SEC13: variants seen among roughly 807,000 people sequenced by gnomAD.
SEC13 encodes SEC13 homolog, nuclear pore and COPII component, also known as protein SEC13 homolog.
SEC13 carries 25 observed loss-of-function variants against 49.2 expected under a neutral mutation model. The ratio of observed to expected loss-of-function variants is 0.51; its 90% CI spans 0.37 to 0.71. The LOEUF is 0.71. Ranked by LOEUF, SEC13 falls within the 30% of genes least tolerant of loss-of-function variation. SEC13 has a pLI of 0.00. For synonymous variants in SEC13, 148 were observed against 163.9 expected, an observed-to-expected ratio of 0.90 and a Z score of 0.74; for missense variants, 383 against 417.6, an observed-to-expected ratio of 0.92 and a Z score of 0.72.
At chr3:10,320,830 G>A (rs1159853865) in intron 1 of SEC13, 3 of 1,323,058 alleles carry the variant, frequency 2.3e-6, no homozygotes, top group Non-Finnish European at 2.9e-6. Flanking sequence ...AGACGCAGGA[G>A]CGGCGCGCCC....
intron 5 of SEC13, among the ~76,000 whole-genome samples, chr3:10,310,145 AG>A (rs1701161342): frequency 6.6e-6 from 1 of 152,066 alleles, no homozygotes; most frequent in Non-Finnish European, 1.5e-5. Context: ...ATTTCTCCAA[AG>A]GCCCCCAGAA....
chr3:10,320,909 C>T, intron 1 of SEC13, 141 bp downstream of exon 1: 6 of 1,479,942 alleles, frequency 4.1e-6, no homozygotes, highest in Non-Finnish European at 5.4e-6. Flanking sequence ...AGGACGGGGC[C>T]AGAGCCCCCC....
At chr3:10,310,453 T>C (rs1452567725) in intron 5 of SEC13, among the ~76,000 whole-genome samples, 2 of 152,166 alleles carry the variant, frequency 1.3e-5, no homozygotes, top group Non-Finnish European at 2.9e-5. Context: ...ATCATGTCAC[T>C]GCACTCCAGC....
intron 1 of SEC13, chr3:10,319,387 G>A: frequency 8.3e-7 from 1 of 1,203,720 alleles, no homozygotes; most frequent in Non-Finnish European, 1.1e-6. Flanking sequence ...AAAGTGCACA[G>A]GAAGGCGGGG....
In SEC13 at chr3:10,312,615, C is replaced by T; in HGVS notation, c.280G>A (p.Glu94Lys). The change falls in exon 4 of 9, where the codon GAG (glutamate) becomes AAG (lysine). Residue 94 changes from glutamate to lysine, a missense_variant. Glu to Lys is a moderately conservative substitution (Grantham distance 56). Coordinates refer to ENST00000350697, the MANE Select transcript of SEC13 (RefSeq NM_183352.3). ...IIWREENGTW[E>K]KSHEHAGHDS... Reference sequence around the variant, plus strand: ...TGTCCCGCATGCTCGTGGCTCTTCTCCCAGGTGCCGTTTTCCTCTCTCCAG... The same window carrying T: ...TGTCCCGCATGCTCGTGGCTCTTCTTCCAGGTGCCGTTTTCCTCTCTCCAG... The T allele has an allele frequency of 6.2e-7, 1 of 1,614,168 alleles. No individual in the cohort carries two copies.
At chr3:10,317,735 G>C (rs973039416) in intron 2 of SEC13, among the ~76,000 whole-genome samples, 2 of 152,152 alleles carry the variant, frequency 1.3e-5, no homozygotes, top group Non-Finnish European at 2.9e-5. Flanking sequence ...CTATTGTCAA[G>C]CCTCCGTACC....
rs1397382532 is a variant in SEC13, at chr3:10,320,964, A to C, written c.3+86T>G. The C allele has an allele frequency of 1.9e-6, 3 of 1,588,576 alleles. No individual in the cohort carries two copies. The East Asian group carries it at 7.0e-5, about 37-fold the overall frequency. Reference sequence around the variant, plus strand: ...GGGAGCTGAACGGCTCCAGCTTGGGATTTGGGACTCAGGACGGCCGAGGAA... The same window carrying C: ...GGGAGCTGAACGGCTCCAGCTTGGGCTTTGGGACTCAGGACGGCCGAGGAA... On this transcript the variant is annotated intron_variant, in intron 1 of 8. Coordinates refer to ENST00000350697, the MANE Select transcript of SEC13 (RefSeq NM_183352.3).
intron 8 of SEC13, 136 bp downstream of exon 8, chr3:10,303,890 G>A: frequency 1.2e-6 from 1 of 831,216 alleles, no homozygotes; most frequent in Non-Finnish European, 2.0e-6. Flanking sequence ...GTAACTAAGA[G>A]GCACACTCAA....
intron 2 of SEC13, among the ~76,000 whole-genome samples, chr3:10,317,254 C>T (rs990210824): frequency 2.0e-5 from 3 of 152,260 alleles, no homozygotes; most frequent in African/African-American, 7.2e-5. Context: ...TGTGGTCTTA[C>T]AGCTAGACCA....
rs1420037313 is a variant in SEC13 at position 10,305,152 on chromosome 3, C to T, written c.589G>A (p.Glu197Lys). 1 of 1,611,210 alleles carries T rather than the reference C, an allele frequency of 6.2e-7. No individual in the cohort carries two copies. The highest frequency in any genetic ancestry group is 2.2e-5 in the East Asian group (1 of 44,876). ...TCCTCCTTCCACTGGCCGTCCTCCT[C>T]CTCCCTAACAGTGGGGACAGAAAGA... The part of the protein sequence containing the change: ...CDNLIKLWKE[E>K]EDGQWKEEQK... The change falls in exon 7 of 9, where the codon GAG (glutamate) becomes AAG (lysine). Residue 197 changes from glutamate to lysine, a missense_variant. Transcript: ENST00000350697.
Position 10,301,258 on chromosome 3 carries a change from T to C in SEC13, c.*3A>G. 2.5e-6 allele frequency: 4 copies of C among 1,614,174 alleles called. No individual in the cohort carries two copies. Among genetic ancestry groups the C allele is most frequent in the Non-Finnish European group, 3.4e-6 (4 of 1,180,028 alleles). Reference sequence around the variant, plus strand: ...GGTGGGGAGCCAGGCCCCACCTGTCTTGTCACTGCTCGTTCTGCTGGCCCT... The same window carrying C: ...GGTGGGGAGCCAGGCCCCACCTGTCCTGTCACTGCTCGTTCTGCTGGCCCT... On this transcript the variant is annotated 3_prime_UTR_variant, in exon 9 of 9. Transcript: ENST00000350697.
chr3:10,321,031 C>A lies in SEC13; in HGVS notation c.3+19G>T. 1 of 1,612,226 alleles carries A rather than the reference C, an allele frequency of 6.2e-7. No homozygotes were observed. The highest frequency in any genetic ancestry group is 2.2e-5 in the East Asian group (1 of 44,676). On this transcript the variant is annotated intron_variant, in intron 1 of 8. Transcript: ENST00000350697. The surrounding 1 kb of genome is among the most constrained non-coding windows in gnomAD (Gnocchi z 4.1). ...CCGTGGCCTTCACCCTGCTAGGCCTCCTCAGTACCAACACTCACCATGATT... is the reference window on the plus strand; with the variant it reads ...CCGTGGCCTTCACCCTGCTAGGCCTACTCAGTACCAACACTCACCATGATT...
chr3:10,306,947 TA>T (rs1274546028), intron 5 of SEC13, among the ~76,000 whole-genome samples: 1 of 152,222 alleles, frequency 6.6e-6, no homozygotes, highest in East Asian at 1.9e-4. Context: ...GAAAACAGAC[TA>T]ATACAAGGTC....
intron 1 of SEC13, among the ~76,000 whole-genome samples, chr3:10,320,108 T>A (rs2059750431): frequency 6.6e-6 from 1 of 151,928 alleles, no homozygotes; most frequent in African/African-American, 2.4e-5. Flanking sequence ...ATTCACCTCT[T>A]TGAGATCAGA....
rs1700499102 is a variant in SEC13 at position 10,301,387 on chromosome 3, G to A, written c.856-13C>T. ...TCCACAGGGTCACCTGCGAGTCAGT[G>A]CACAAGCAGATTATCACGGGTCTGT... On this transcript the variant is annotated splice_polypyrimidine_tract_variant and intron_variant, in intron 8 of 8. Coordinates refer to ENST00000350697, the MANE Select transcript of SEC13 (RefSeq NM_183352.3). 2 of 1,614,000 alleles carry A rather than the reference G, an allele frequency of 1.2e-6. No homozygotes were observed. Among genetic ancestry groups the A allele is most frequent in the Non-Finnish European group, 1.7e-6 (2 of 1,180,036 alleles).
At chr3:10,313,852 C>T (rs1302668514) in intron 3 of SEC13, 1 of 155,160 alleles carries the variant, frequency 6.4e-6, no homozygotes, top group African/African-American at 2.4e-5. Flanking sequence ...GGGGCTCCTG[C>T]ATAGAGAAGC....
chr3:10,302,950 G>T (rs555038155), intron 8 of SEC13, among the ~76,000 whole-genome samples: 3 of 151,956 alleles, frequency 2.0e-5, no homozygotes, highest in African/African-American at 7.3e-5. Flanking sequence ...GACAAATACT[G>T]TATGATTCCA....
At position 10,304,048 on chromosome 3, in the gene SEC13, G is replaced by C. The variant is rs913071554; in HGVS notation, c.833C>G (p.Ala278Gly). The change falls in exon 8 of 9, where the codon GCT (alanine) becomes GGT (glycine). Residue 278 changes from alanine to glycine, a missense_variant. Ala to Gly is a moderately conservative substitution (Grantham distance 60, BLOSUM62 0). Transcript: ENST00000350697. The stretch of plus-strand genomic sequence containing the variant: ...TACCTTATTGTCTCCACCAGAGACA[G>C]CCAGGATGTTGGCTGTGATGGACCA... ...VSWSITANIL[A>G]VSGGDNKVTL... 5 of 1,614,184 alleles carry C rather than the reference G, an allele frequency of 3.1e-6. No individual in the cohort carries two copies. The highest frequency in any genetic ancestry group is 4.2e-6 in the Non-Finnish European group (5 of 1,180,020).
At chr3:10,310,320 G>C (rs552446389) in intron 5 of SEC13, among the ~76,000 whole-genome samples, 1 of 152,264 alleles carries the variant, frequency 6.6e-6, no homozygotes, top group South Asian at 2.1e-4. Flanking sequence ...GTGAAACCCT[G>C]TCTCTACTAC....
Sources: allele counts gnomAD v4.1 joint callset (sites outside exome capture counted in the v4.1 genomes callset), GRCh38; gene constraint gnomAD v4.1.1; non-coding constraint Gnocchi (gnomAD v3.1); transcripts MANE v1.5; gene names NCBI Gene and HGNC (gene_info 2026-07-23, HGNC 2026-07-21).